CXXC1: variants seen among roughly 807,000 people sequenced by gnomAD.
The protein encoded by CXXC1 is CXXC finger protein 1.
Under a neutral mutation model 83.6 loss-of-function variants are expected in CXXC1, and 21 were observed. That is an observed-to-expected ratio of 0.25 (90% CI 0.18 to 0.36). The LOEUF is 0.36. Ranked by LOEUF, CXXC1 falls within the 10% of genes least tolerant of loss-of-function variation. CXXC1 has a pLI of 1.00. For missense variants in CXXC1, 688 were observed against 919.5 expected (o/e 0.75, Z 3.26); for synonymous variants, 371 against 337.5 (o/e 1.10, Z -1.09).
In CXXC1 at chr18:50,285,673, G is replaced by C; in HGVS notation, c.639+76C>G. The C allele has an allele frequency of 6.5e-7, 1 of 1,540,322 alleles. No homozygotes were observed. The highest frequency in any genetic ancestry group is 8.8e-7 in the Non-Finnish European group (1 of 1,135,816). On this transcript the variant is annotated intron_variant, in intron 5 of 14. Coordinates refer to ENST00000285106, the MANE Select transcript of CXXC1 (RefSeq NM_014593.4). This position sits in a 1 kb window ranked among gnomAD's most constrained non-coding sequence, Gnocchi z 4.4. ...GCCCAATCCCACCTGGTTTATCCAT[G>C]CCTAGACTTAACTAACCATGCATGG...
rs1187750154 is a variant in CXXC1 at position 50,286,872 on chromosome 18, C to T, written c.4-14G>A. On this transcript the variant is annotated splice_polypyrimidine_tract_variant and intron_variant, in intron 1 of 14. Coordinates refer to ENST00000285106, the MANE Select transcript of CXXC1 (RefSeq NM_014593.4). ...ACCATCTCCCTCCTGCAGGACACCC[C>T]CATTACGGATCCTTAAGCAGCCCCC... is the stretch of plus-strand genomic sequence containing the variant. The T allele has an allele frequency of 6.3e-7, 1 of 1,575,058 alleles. No individual in the cohort carries two copies. Among genetic ancestry groups the T allele is most frequent in the African/African-American group, 1.3e-5 (1 of 74,226 alleles).
chr18:50,285,606 T>C lies in CXXC1; in HGVS notation c.639+143A>G. ...CATACCAGGTCATGCCCCATTCATCTGGACATGACAGGCCCCTTCCCACCT... is the reference window on the plus strand; with the variant it reads ...CATACCAGGTCATGCCCCATTCATCCGGACATGACAGGCCCCTTCCCACCT... On this transcript the variant is annotated intron_variant, in intron 5 of 14. Coordinates refer to ENST00000285106, the MANE Select transcript of CXXC1 (RefSeq NM_014593.4). The surrounding 1 kb of genome is among the most constrained non-coding windows in gnomAD (Gnocchi z 4.4). The C allele has an allele frequency of 8.9e-7, 1 of 1,128,426 alleles. No individual in the cohort carries two copies. The highest frequency in any genetic ancestry group is 1.3e-6 in the Non-Finnish European group (1 of 789,740). The allele number at this position is 1,128,426 out of a possible 1,614,324, so 69.9% of individuals were successfully genotyped here.
chr18:50,286,679 C>G (rs762751655), intron 2 of CXXC1, 40 bp from the exon 3 acceptor site: 1 of 1,603,750 alleles, frequency 6.2e-7, no homozygotes, highest in Admixed American at 1.7e-5. Flanking sequence ...GTGAGGGGCG[C>G]GGCCCATCGG....
In CXXC1 at chr18:50,286,161, C is replaced by A. The variant is rs2040710388; in HGVS notation, c.320G>T (p.Gly107Val). ...RDSSEPRDEGGGRKRPVPDPD... is the reference protein window; with the variant it reads ...RDSSEPRDEGVGRKRPVPDPD... ...ATCAGGGACAGGCCTCTTGCGCCCTCCACCCTCATCCCGGGGCTCACTGCT... is the reference window on the plus strand; with the variant it reads ...ATCAGGGACAGGCCTCTTGCGCCCTACACCCTCATCCCGGGGCTCACTGCT... Residue 107 changes from glycine (G) to valine (V), a missense_variant, in exon 4 of 15, where the codon GGA becomes GTA. Transcript: ENST00000285106. 6.2e-7 allele frequency: 1 copy of A among 1,613,858 alleles called. No individual in the cohort carries two copies. The highest frequency in any genetic ancestry group is 1.1e-5 in the South Asian group (1 of 91,090).
Position 50,285,105 on chromosome 18 carries a change from G to A in CXXC1, c.809C>T (p.Pro270Leu). 1 of 1,614,226 alleles carries A rather than the reference G, an allele frequency of 6.2e-7. No individual in the cohort carries two copies. Among genetic ancestry groups the A allele is most frequent in the Non-Finnish European group, 8.5e-7 (1 of 1,180,038 alleles). ...TGGCTCAGGTGTGGCTGTAGCCTCA[G>A]GAGGCTCCTTGACTGTTGATGACGC... ...AVASSTVKEP[P>L]EATATPEPLS... is the part of the protein sequence containing the mutation. Residue 270 changes from proline to leucine, a missense_variant, in exon 7 of 15, where the codon CCT (proline) becomes CTT (leucine). Around this residue, in one of 9 missense-constraint regions of CXXC1, gnomAD observed 190 missense variants for 199.7 expected, o/e 0.95. Coordinates refer to ENST00000285106, the MANE Select transcript of CXXC1 (RefSeq NM_014593.4). This position sits in a 1 kb window ranked among gnomAD's most constrained non-coding sequence, Gnocchi z 4.4.
chr18:50,286,811 G>A lies in CXXC1; in HGVS notation c.51C>T (p.Ser17=). The A allele has an allele frequency of 6.2e-7, 1 of 1,614,050 alleles. No individual in the cohort carries two copies. Among genetic ancestry groups the A allele is most frequent in the Non-Finnish European group, 8.5e-7 (1 of 1,179,966 alleles). Residue 17 remains serine, a synonymous_variant, in exon 2 of 15, where the codon AGC becomes AGT. Transcript: ENST00000285106. Reference sequence around the variant, plus strand: ...GCGCATTCTCCCCATTCTCGGACTTGCTGTCCTCCCCGGCATCTGGAGGCT... The same window carrying A: ...GCGCATTCTCCCCATTCTCGGACTTACTGTCCTCCCCGGCATCTGGAGGCT... ...DPEPPDAGED[S]KSENGENAPI... is the part of the protein sequence containing the mutation.
chr18:50,282,627 A>G lies in CXXC1; in HGVS notation c.1937T>C (p.Leu646Pro). Residue 646 changes from leucine (L) to proline (P), a missense_variant, in exon 15 of 15, where the codon CTC becomes CCC. Coordinates refer to ENST00000285106, the MANE Select transcript of CXXC1 (RefSeq NM_014593.4). This position sits in a 1 kb window ranked among gnomAD's most constrained non-coding sequence, Gnocchi z 5.8. ...GGCACTGGAGCGCAGGTCGGTAGTG[A>G]GGGGATCGTGCTGGATCGTCTGGTG... ...MLHQTIQHDP[L>P]TTDLRSSADR 6.2e-7 allele frequency: 1 copy of G among 1,611,964 alleles called. No homozygotes were observed. Among genetic ancestry groups the G allele is most frequent in the East Asian group, 2.2e-5 (1 of 44,874 alleles).
In CXXC1 at chr18:50,285,696, T is replaced by G; in HGVS notation, c.639+53A>C. ...ATGCCTAGACTTAACTAACCATGCA[T>G]GGACCCACCAGCTCTCCCACACCTG... On this transcript the variant is annotated intron_variant, in intron 5 of 14. Transcript: ENST00000285106. The surrounding 1 kb of genome is among the most constrained non-coding windows in gnomAD (Gnocchi z 4.4). 1 of 1,591,596 alleles carries G rather than the reference T, an allele frequency of 6.3e-7. No homozygotes were observed. The highest frequency in any genetic ancestry group is 8.5e-7 in the Non-Finnish European group (1 of 1,171,490).
rs1396457189 is a variant in CXXC1 at position 50,284,485 on chromosome 18, G to A, written c.1098C>T (p.Ala366=). The change falls in exon 9 of 15, where the codon GCC becomes GCT. Residue 366 remains alanine, a synonymous_variant. Transcript: ENST00000285106. ...ACTGGGGCAGTGACGCAGGGTCCTTGGCATCAGCCCTCTCTGGGTGTTTCC... is the reference window on the plus strand; with the variant it reads ...ACTGGGGCAGTGACGCAGGGTCCTTAGCATCAGCCCTCTCTGGGTGTTTCC... ...DKWKHPERAD[A]KDPASLPQCL... is the part of the protein sequence containing the mutation. 1.2e-6 allele frequency: 2 copies of A among 1,609,834 alleles called. No homozygotes were observed. The highest frequency in any genetic ancestry group is 1.7e-6 in the Non-Finnish European group (2 of 1,178,000).
In CXXC1 at chr18:50,284,755, G is replaced by A. The variant is rs2149298315; in HGVS notation, c.997C>T (p.Arg333Trp). ...ACCTTCTTCTCAGACTTCTTCTCCC[G>A]ACGCTTCACATGCTTCACTTTCACT... ...RAVKVKHVKR[R>W]EKKSEKKKEE... is the part of the protein sequence containing the mutation. Residue 333 changes from arginine (R) to tryptophan (W), a missense_variant, in exon 8 of 15, where the codon CGG (arginine) becomes TGG (tryptophan). Transcript: ENST00000285106. 2 of 1,613,836 alleles carry A rather than the reference G, an allele frequency of 1.2e-6. No individual in the cohort carries two copies. The highest frequency in any genetic ancestry group is 1.7e-5 in the Admixed American group (1 of 60,004).
At position 50,285,438 on chromosome 18, in the gene CXXC1, C is replaced by T; in HGVS notation, c.640-87G>A. On this transcript the variant is annotated intron_variant, in intron 5 of 14. Transcript: ENST00000285106. This position sits in a 1 kb window ranked among gnomAD's most constrained non-coding sequence, Gnocchi z 4.4. ...GCCCTACCCACCTGGCCTGGCCTTACCTCCCCAGACACACCTCCCCGCTAC... is the reference window on the plus strand; with the variant it reads ...GCCCTACCCACCTGGCCTGGCCTTATCTCCCCAGACACACCTCCCCGCTAC... 2.1e-6 allele frequency: 3 copies of T among 1,451,494 alleles called. No homozygotes were observed. Among genetic ancestry groups the T allele is most frequent in the Non-Finnish European group, 2.8e-6 (3 of 1,083,842 alleles). The allele number at this position is 1,451,494 out of a possible 1,614,324, so 89.9% of individuals were successfully genotyped here. A position where few individuals can be genotyped will look rare whatever the true frequency, so the allele number is the denominator to read the frequency against.
chr18:50,283,857 G>T (rs1276393659), intron 10 of CXXC1, 37 bp downstream of exon 10: 3 of 1,613,926 alleles, frequency 1.9e-6, no homozygotes, highest in Admixed American at 3.3e-5. Context: ...GAAGGACAAA[G>T]TACAGGCCCT....
chr18:50,283,759 C>G lies in CXXC1; in HGVS notation c.1470G>C (p.Gly490=). ...TDLQIFCVSC[G]HPINPRVALR... ...AGGCAACACGTGGGTTGATGGGGTGCCCACAGGAAACACAGAAGATCTGCA... is the reference window on the plus strand; with the variant it reads ...AGGCAACACGTGGGTTGATGGGGTGGCCACAGGAAACACAGAAGATCTGCA... Residue 490 remains glycine, a synonymous_variant, in exon 11 of 15, where the codon GGG becomes GGC. Coordinates refer to ENST00000285106, the MANE Select transcript of CXXC1 (RefSeq NM_014593.4). 1 of 1,614,214 alleles carries G rather than the reference C, an allele frequency of 6.2e-7. No homozygotes were observed. Among genetic ancestry groups the G allele is most frequent in the Non-Finnish European group, 8.5e-7 (1 of 1,180,030 alleles).
intron 1 of CXXC1, chr18:50,287,101 G>A: frequency 1.8e-6 from 1 of 557,676 alleles, no homozygotes; most frequent in South Asian, 2.2e-5. Flanking sequence ...GTCCACACTC[G>A]CTAATGGGTC....
chr18:50,287,181 C>A, intron 1 of CXXC1: 1 of 516,664 alleles, frequency 1.9e-6, no homozygotes, highest in Admixed American at 3.3e-5. Context: ...TCGCGGTTCT[C>A]CACGCACCCC....
rs752437074 is a variant in CXXC1, at chr18:50,283,983, T to C, written c.1324A>G (p.Thr442Ala). The stretch of plus-strand genomic sequence containing the variant: ...CGGCGTTCCATTTCCTGAAGGCGAG[T>C]GCGGGCACTCTGCTGCTCTCGGCGA... Reference protein sequence around the residue: ...RIRREQQSARTRLQEMERRFH... With the variant: ...RIRREQQSARARLQEMERRFH... Residue 442 changes from threonine to alanine, a missense_variant, in exon 10 of 15, where the codon ACT becomes GCT. Physicochemically the swap from Thr to Ala is moderately conservative, Grantham distance 58. Around this residue, in one of 9 missense-constraint regions of CXXC1, gnomAD observed 100 missense variants for 142.5 expected, o/e 0.70. Transcript: ENST00000285106. The C allele has an allele frequency of 6.2e-7, 1 of 1,613,506 alleles. No individual in the cohort carries two copies. The highest frequency in any genetic ancestry group is 8.5e-7 in the Non-Finnish European group (1 of 1,179,950).
At position 50,285,992 on chromosome 18, in the gene CXXC1, C is replaced by T; in HGVS notation, c.459+30G>A. 1 of 1,613,754 alleles carries T rather than the reference C, an allele frequency of 6.2e-7. No homozygotes were observed. The highest frequency in any genetic ancestry group is 8.5e-7 in the Non-Finnish European group (1 of 1,179,822). ...GCAGGGCTGAAACGGAACCACTTTACACATCCATTCACTTTATGCAGCCAC... is the reference window on the plus strand; with the variant it reads ...GCAGGGCTGAAACGGAACCACTTTATACATCCATTCACTTTATGCAGCCAC... On this transcript the variant is annotated intron_variant, in intron 4 of 14. Coordinates refer to ENST00000285106, the MANE Select transcript of CXXC1 (RefSeq NM_014593.4). The surrounding 1 kb of genome is among the most constrained non-coding windows in gnomAD (Gnocchi z 4.4).
rs1444617469 is a variant in CXXC1, at chr18:50,282,536, G to A, written c.*57C>T. 1.3e-6 allele frequency: 2 copies of A among 1,588,728 alleles called. No homozygotes were observed. Among genetic ancestry groups the A allele is most frequent in the East Asian group, 2.2e-5 (1 of 44,698 alleles). ...GATGAGTGGAGGAACGGACACACGG[G>A]CACCGGGCGGCTCCCCCATCTGGAA... is the stretch of plus-strand genomic sequence containing the variant. On this transcript the variant is annotated 3_prime_UTR_variant, in exon 15 of 15. Transcript: ENST00000285106. The surrounding 1 kb of genome is among the most constrained non-coding windows in gnomAD (Gnocchi z 5.8).
Position 50,283,536 on chromosome 18 carries a change from A to G in CXXC1, c.1553T>C (p.Met518Thr). The change falls in exon 12 of 15, where the codon ATG becomes ACG. Residue 518 changes from methionine (M) to threonine (T), a missense_variant. Met to Thr is a moderately conservative substitution (Grantham distance 81, BLOSUM62 -1). Transcript: ENST00000285106. ...KYESQTSFGS[M>T]YPTRIEGATR... ...TTACCCTTCAATGCGTGTGGGGTAC[A>G]TGGACCCAAAGGACGTCTGGCTCTC... The G allele has an allele frequency of 6.2e-7, 1 of 1,613,572 alleles. No homozygotes were observed. The highest frequency in any genetic ancestry group is 8.5e-7 in the Non-Finnish European group (1 of 1,179,918).
Sources: gnomAD v4.1 joint callset for allele counts on GRCh38, gnomAD v4.1.1 for gene constraint, gnomAD v4.1.1 regional missense constraint, Gnocchi (gnomAD v3.1) non-coding constraint, MANE v1.5 for transcripts, NCBI Gene and HGNC (gene_info 2026-07-23, HGNC 2026-07-21) for gene names.